Variants in MPDZ observed in about 807,000 individuals in gnomAD.
MPDZ encodes the protein multiple PDZ domain protein.
A neutral mutation model predicts 239.1 loss-of-function variants in MPDZ; 234 were observed. That is an observed-to-expected ratio of 0.98 (90% CI 0.88 to 1.09). The LOEUF is 1.09. MPDZ is among the 50% of genes least tolerant of loss of function. The pLI, the probability that MPDZ is intolerant of heterozygous loss-of-function variation, is 0.00. For synonymous variants in MPDZ, 1,048 were observed against 881.3 expected, an observed-to-expected ratio of 1.19 and a Z score of -3.35; for missense variants, 3,175 against 2,510.0, an observed-to-expected ratio of 1.26 and a Z score of -5.66.
intron 3 of MPDZ, among the ~76,000 whole-genome samples, chr9:13,236,093 C>T (rs1263751358): frequency 6.7e-6 from 1 of 149,760 alleles, no homozygotes; most frequent in Non-Finnish European, 1.5e-5. Flanking sequence ...CTGCAAAGAT[C>T]TTATTCATTC....
chr9:13,174,337 T>C (rs1315115852), intron 21 of MPDZ, among the ~76,000 whole-genome samples: 3 of 152,200 alleles, frequency 2.0e-5, no homozygotes, highest in African/African-American at 7.2e-5. Flanking sequence ...TGTCTATGCA[T>C]AGTGGATATA....
intron 30 of MPDZ, among the ~76,000 whole-genome samples, chr9:13,136,462 G>T (rs531794651): frequency 1.3e-5 from 2 of 150,046 alleles, no homozygotes; most frequent in Admixed American, 1.3e-4. Context: ...CTCCCTAGTA[G>T]CTGGGACTAC....
chr9:13,221,650 T>A, intron 6 of MPDZ, 150 bp from the exon 7 acceptor site: 2 of 736,302 alleles, frequency 2.7e-6, no homozygotes, highest in Non-Finnish European at 2.0e-6. Flanking sequence ...TTTCATTTGG[T>A]ATACTTCCCT....
At chr9:13,182,234 T>C (rs1158524377) in intron 19 of MPDZ, among the ~76,000 whole-genome samples, 1 of 152,116 alleles carries the variant, frequency 6.6e-6, no homozygotes, top group African/African-American at 2.4e-5. Flanking sequence ...AATTGTCCAG[T>C]CTTTTCAACT....
Position 13,123,674 on chromosome 9 carries a change from T to C in MPDZ, c.4808-376A>G, listed in dbSNP as rs183978512. Reference sequence around the variant, plus strand: ...TCAATGGAGGCAAACACATTTCTTATGAATTAAAAGATTTATAGAACTCAT... The same window carrying C: ...TCAATGGAGGCAAACACATTTCTTACGAATTAAAAGATTTATAGAACTCAT... On this transcript the variant is annotated intron_variant, in intron 35 of 46. Coordinates refer to ENST00000319217, the MANE Select transcript of MPDZ (RefSeq NM_001378778.1). 3.5e-4 allele frequency among the ~76,000 whole-genome samples: 53 copies of C among 152,298 alleles called. 1 individual carries two copies. Among genetic ancestry groups the C allele is most frequent in the Admixed American group, 9.8e-4 (15 of 15,304 alleles).
In MPDZ at chr9:13,190,229, G is replaced by C. The variant is rs370396750; in HGVS notation, c.2039C>G (p.Ala680Gly). Residue 680 changes from alanine to glycine, a missense_variant, in exon 16 of 47, where the codon GCG becomes GGG. Ala to Gly is a moderately conservative substitution (Grantham distance 60). Coordinates refer to ENST00000319217, the MANE Select transcript of MPDZ (RefSeq NM_001378778.1). ...TEDPVLAMTD[A>G]GQSTEEVQAP... ...TTGAACCTCTTCTGTACTCTGACCC[G>C]CATCAGTCATCGCCAGCACTGGATC... is the stretch of plus-strand genomic sequence containing the variant. 10 of 1,612,236 alleles carry C rather than the reference G, an allele frequency of 6.2e-6. No individual in the cohort carries two copies. In the East Asian group the frequency reaches 6.7e-5, roughly 11 times the overall value.
At position 13,176,179 on chromosome 9, in the gene MPDZ, G is replaced by C; in HGVS notation, c.2888C>G (p.Ser963Ter). 6.2e-7 allele frequency: 1 copy of C among 1,603,428 alleles called. No homozygotes were observed. The highest frequency in any genetic ancestry group is 8.5e-7 in the Non-Finnish European group (1 of 1,174,186). Residue 963 changes from serine (S) to a stop codon, truncating the protein, a stop_gained, in exon 20 of 47, where the codon TCA becomes TGA. Coordinates refer to ENST00000319217, the MANE Select transcript of MPDZ (RefSeq NM_001378778.1). LOFTEE classifies it high-confidence loss of function. ...TESHLPSEVI[S>*]SAELPSVLPD... ...TAGCACAGAAGGAAGTTCTGCACTT[G>C]ATATAACTTCACTTGGTAAATGAGA...
chr9:13,255,772 A>T (rs1969290612), intron 1 of MPDZ, among the ~76,000 whole-genome samples: 2 of 152,148 alleles, frequency 1.3e-5, no homozygotes, highest in Admixed American at 1.3e-4. Context: ...TTCTTTTTCC[A>T]TTTACAGAGA....
chr9:13,164,506 G>T (rs1047975159), intron 22 of MPDZ, among the ~76,000 whole-genome samples: 1 of 151,974 alleles, frequency 6.6e-6, no homozygotes, highest in Admixed American at 6.6e-5. Flanking sequence ...AGTTTAAAAA[G>T]CCAGGAAAAG....
intron 32 of MPDZ, among the ~76,000 whole-genome samples, chr9:13,132,948 A>G (rs1034553165): frequency 6.6e-6 from 1 of 152,188 alleles, no homozygotes; most frequent in Non-Finnish European, 1.5e-5. Context: ...TATATCCTAG[A>G]ATATACTAAG....
rs77166278 is a variant in MPDZ at position 13,219,852 on chromosome 9, G to C, written c.877-84C>G. 1,385 of 1,339,620 alleles carry C rather than the reference G, an allele frequency of 1.0e-3. 7 individuals carry two copies. In the African/African-American group the frequency reaches 0.018, roughly 18 times the overall value. The allele number at this position is 1,339,620 out of a possible 1,614,324, so 83.0% of individuals were successfully genotyped here. A position where few individuals can be genotyped will look rare whatever the true frequency, so the allele number is the denominator to read the frequency against. ...CCTAAATGAGAAGGGATTAATTTTAGAAAAGCAATAATATGAGTTACCAAT... is the reference window on the plus strand; with the variant it reads ...CCTAAATGAGAAGGGATTAATTTTACAAAAGCAATAATATGAGTTACCAAT... On this transcript the variant is annotated intron_variant, in intron 7 of 46. Transcript: ENST00000319217.
intron 22 of MPDZ, among the ~76,000 whole-genome samples, chr9:13,167,048 G>A (rs968863947): frequency 3.7e-4 from 57 of 152,144 alleles, no homozygotes; most frequent in African/African-American, 1.2e-3. Context: ...TGTACATCAT[G>A]GCACAACAAA....
At chr9:13,275,978 G>GT (rs1974090453) in intron 1 of MPDZ, among the ~76,000 whole-genome samples, 1 of 152,096 alleles carries the variant, frequency 6.6e-6, no homozygotes, top group Non-Finnish European at 1.5e-5. Flanking sequence ...AAGCCTTTCT[G>GT]TGTCTTATTT....
At chr9:13,260,558 G>A (rs1272285460) in intron 1 of MPDZ, among the ~76,000 whole-genome samples, 6 of 152,132 alleles carry the variant, frequency 3.9e-5, no homozygotes, top group Non-Finnish European at 7.4e-5. Flanking sequence ...TTCCTATGTT[G>A]AAGCCCTAAC....
At chr9:13,139,624 A>G (rs1947340199) in intron 28 of MPDZ, among the ~76,000 whole-genome samples, 2 of 151,948 alleles carry the variant, frequency 1.3e-5, no homozygotes, top group South Asian at 4.2e-4. Context: ...GTGTGATATC[A>G]ACAACCAGAA....
chr9:13,160,967 G>A (rs571701778), intron 23 of MPDZ, among the ~76,000 whole-genome samples: 2 of 149,172 alleles, frequency 1.3e-5, no homozygotes, highest in African/African-American at 4.9e-5. Context: ...GGTTATGTGC[G>A]AATACTACAC....
chr9:13,110,847 C>G, intron 43 of MPDZ, 107 bp from the exon 44 acceptor site: 1 of 629,990 alleles, frequency 1.6e-6, no homozygotes, highest in Non-Finnish European at 2.6e-6. Context: ...GACATATATA[C>G]TGCTACCAGC....
At chr9:13,185,160 A>C (rs547568879) in intron 18 of MPDZ, among the ~76,000 whole-genome samples, 1 of 152,148 alleles carries the variant, frequency 6.6e-6, no homozygotes, top group South Asian at 2.1e-4. Flanking sequence ...CATAATACCC[A>C]TGGAGAGCAG....
chr9:13,111,825 C>T (rs1277038163), intron 43 of MPDZ, among the ~76,000 whole-genome samples, 199 bp downstream of exon 43: 1 of 152,212 alleles, frequency 6.6e-6, no homozygotes, highest in Non-Finnish European at 1.5e-5. Context: ...TCCTATTTAA[C>T]TGCAAATCTG....
Sources: gnomAD v4.1 joint callset for allele counts (sites outside exome capture counted in the v4.1 genomes callset) on GRCh38, gnomAD v4.1.1 for gene constraint, MANE v1.5 for transcripts, NCBI Gene and HGNC (gene_info 2026-07-23, HGNC 2026-07-21) for gene names.